USP49: variants seen among roughly 807,000 people sequenced by gnomAD.
USP49 encodes the protein ubiquitin specific peptidase 49, also known as ubiquitin carboxyl-terminal hydrolase 49.
USP49 carries 24 observed loss-of-function variants against 58.6 expected under a neutral mutation model. The observed-to-expected ratio is 0.41, with a 90% CI of 0.30 to 0.58. The LOEUF (loss-of-function observed/expected upper bound fraction) is 0.58, where lower values mean the gene tolerates loss of function less well. Ranked by LOEUF, USP49 falls within the 20% of genes least tolerant of loss-of-function variation. The pLI, the probability that USP49 is intolerant of heterozygous loss-of-function variation, is 0.30. For missense variants in USP49, 703 were observed against 866.1 expected, an observed-to-expected ratio of 0.81 and a Z score of 2.36; for synonymous variants, 408 against 365.1, an observed-to-expected ratio of 1.12 and a Z score of -1.34.
At position 41,799,814 on chromosome 6, in the gene USP49, C is replaced by G; in HGVS notation, c.1670+16G>C. 1 of 1,609,146 alleles carries G rather than the reference C, an allele frequency of 6.2e-7. No homozygotes were observed. The highest frequency in any genetic ancestry group is 1.1e-5 in the South Asian group (1 of 90,980). Reference sequence around the variant, plus strand: ...CCACAGCTCTCACCCAGCTGGGACTCCCACAGCAAGCTCACCTGAATCTTT... The same window carrying G: ...CCACAGCTCTCACCCAGCTGGGACTGCCACAGCAAGCTCACCTGAATCTTT... On this transcript the variant is annotated intron_variant, in intron 6 of 7. Coordinates refer to ENST00000682992, the MANE Select transcript of USP49 (RefSeq NM_001286554.2).
At chr6:41,825,923 A>G (rs562525526) in intron 3 of USP49, among the ~76,000 whole-genome samples, 9 of 152,348 alleles carry the variant, frequency 5.9e-5, no homozygotes, top group Non-Finnish European at 1.3e-4. Flanking sequence ...CAAAATATGT[A>G]TCATCACTAT....
intron 2 of USP49, chr6:41,886,404 T>C (rs893028603): frequency 1.3e-5 from 2 of 152,250 alleles, no homozygotes; most frequent in South Asian, 2.1e-4. Flanking sequence ...CATTAAGCTA[T>C]TAGCAATGAC....
chr6:41,804,453 C>A (rs1773074010), intron 4 of USP49, among the ~76,000 whole-genome samples: 1 of 152,180 alleles, frequency 6.6e-6, no homozygotes, highest in African/African-American at 2.4e-5. Context: ...TTGTTACTTG[C>A]AGAAGCCCTA....
intron 7 of USP49, chr6:41,798,220 A>C (rs146830233): frequency 6.5e-4 from 106 of 163,864 alleles, no homozygotes; most frequent in Middle Eastern, 3.2e-3. Flanking sequence ...TTCTTAGAAC[A>C]ACCATATGTT....
intron 3 of USP49, among the ~76,000 whole-genome samples, chr6:41,860,332 T>A (rs2243605): frequency 0.78 from 118,195 of 151,838 alleles, 46,715 homozygotes; most frequent in African/African-American, 0.94. Flanking sequence ...GAGAGAAAAA[T>A]AATCAACTAA....
In USP49 at chr6:41,806,129, G is replaced by C. The variant is rs749675296; in HGVS notation, c.855C>G (p.Asp285Glu). 1.2e-6 allele frequency: 2 copies of C among 1,613,786 alleles called. No homozygotes were observed. The highest frequency in any genetic ancestry group is 2.2e-5 in the East Asian group (1 of 44,894). ...QKFRECFLNL[D>E]PSKTEHLFPK... is the part of the protein sequence containing the mutation. ...GAAACAGATGTTCCGTTTTGGAAGG[G>C]TCAAGGTTGAGGAAACATTCTCGGA... Residue 285 changes from aspartate to glutamate, a missense_variant, in exon 4 of 8, where the codon GAC becomes GAG. Coordinates refer to ENST00000682992, the MANE Select transcript of USP49 (RefSeq NM_001286554.2). The surrounding 1 kb of genome is among the most constrained non-coding windows in gnomAD (Gnocchi z 5.9).
chr6:41,810,505 A>G (rs1486845985), intron 3 of USP49, among the ~76,000 whole-genome samples: 1 of 150,302 alleles, frequency 6.7e-6, no homozygotes, highest in Non-Finnish European at 1.5e-5. Flanking sequence ...AATAAAAAAT[A>G]AATAAAAAAT....
intron 3 of USP49, among the ~76,000 whole-genome samples, chr6:41,862,781 T>A (rs1480720128): frequency 6.6e-6 from 1 of 152,170 alleles, no homozygotes; most frequent in African/African-American, 2.4e-5. Flanking sequence ...TTTGTTTGAC[T>A]TTATTTTATT....
chr6:41,879,366 C>T (rs1367725089), intron 2 of USP49, among the ~76,000 whole-genome samples: 3 of 152,058 alleles, frequency 2.0e-5, no homozygotes, highest in African/African-American at 7.2e-5. Context: ...GTAGCTGGGA[C>T]CACAGGTGCA....
At position 41,864,058 on chromosome 6, in the gene USP49, C is replaced by T. The variant is rs1442305109; in HGVS notation, c.-29+7506G>A. Among the ~76,000 whole-genome samples, 3 of 151,900 alleles carry T rather than the reference C, an allele frequency of 2.0e-5. No homozygotes were observed. The East Asian group carries it at 5.8e-4, about 29-fold the overall frequency. On this transcript the variant is annotated intron_variant, in intron 3 of 7. Transcript: ENST00000682992. ...TGCTGGGATTTCCTGAGCCACCACACCTGGCCATAAACCTCAACAGAATTT... is the reference window on the plus strand; with the variant it reads ...TGCTGGGATTTCCTGAGCCACCACATCTGGCCATAAACCTCAACAGAATTT...
chr6:41,845,893 T>C (rs1773914063), intron 3 of USP49, among the ~76,000 whole-genome samples: 1 of 152,188 alleles, frequency 6.6e-6, no homozygotes, highest in Non-Finnish European at 1.5e-5. Context: ...CATAAACCCC[T>C]CACTTATTAT....
chr6:41,792,927 C>T lies in USP49; in HGVS notation c.*3606G>A, dbSNP rs1039934958. On this transcript the variant is annotated 3_prime_UTR_variant, in exon 8 of 8. Coordinates refer to ENST00000682992, the MANE Select transcript of USP49 (RefSeq NM_001286554.2). ...AGTAAGTAGAACAAACTCCATTTCT[C>T]CCTCCCGGCCAGCCCACCCTCCTCC... The T allele has an allele frequency of 5.3e-5, 8 of 151,804 alleles. No homozygotes were observed. The highest frequency in any genetic ancestry group is 1.9e-4 in the African/African-American group (8 of 41,328). The allele number at this position is 151,804 out of a possible 1,614,324, so 9.4% of individuals were successfully genotyped here.
At chr6:41,830,924 G>C (rs1259515265) in intron 3 of USP49, among the ~76,000 whole-genome samples, 1 of 152,092 alleles carries the variant, frequency 6.6e-6, no homozygotes, top group Non-Finnish European at 1.5e-5. Context: ...TGATTGATAG[G>C]AACCTCCACA....
chr6:41,878,803 C>T (rs1774549992), intron 2 of USP49, among the ~76,000 whole-genome samples: 1 of 152,070 alleles, frequency 6.6e-6, no homozygotes, highest in Non-Finnish European at 1.5e-5. Context: ...TGTACACTTG[C>T]TCAGTTAATT....
At chr6:41,890,390 AAC>A (rs1554149248) in intron 2 of USP49, among the ~76,000 whole-genome samples, 1 of 151,574 alleles carries the variant, frequency 6.6e-6, no homozygotes, top group African/African-American at 2.4e-5. Flanking sequence ...AAAAAAAAAA[AAC>A]GAGTGGATCA....
At chr6:41,885,298 A>G (rs1041577004) in intron 2 of USP49, among the ~76,000 whole-genome samples, 2 of 152,238 alleles carry the variant, frequency 1.3e-5, no homozygotes, top group African/African-American at 4.8e-5. Flanking sequence ...CCCTGGGCAC[A>G]GAGAATAACA....
intron 3 of USP49, among the ~76,000 whole-genome samples, chr6:41,810,062 G>A (rs1432995744): frequency 6.6e-6 from 1 of 150,610 alleles, no homozygotes; most frequent in Non-Finnish European, 1.5e-5. Context: ...TGAGGCAGGG[G>A]AATGGCGCGA....
Position 41,795,551 on chromosome 6 carries a change from T to C in USP49, c.*982A>G, listed in dbSNP as rs1772871989. Reference sequence around the variant, plus strand: ...TCCCAAACCCTGTGAACATGAATGTTCTAGCTCTCCAGGAGCAAGAAAGAA... The same window carrying C: ...TCCCAAACCCTGTGAACATGAATGTCCTAGCTCTCCAGGAGCAAGAAAGAA... On this transcript the variant is annotated 3_prime_UTR_variant, in exon 8 of 8. Coordinates refer to ENST00000682992, the MANE Select transcript of USP49 (RefSeq NM_001286554.2). The C allele has an allele frequency of 6.6e-6, 1 of 152,244 alleles. No individual in the cohort carries two copies. The highest frequency in any genetic ancestry group is 6.5e-5 in the Admixed American group (1 of 15,282). 9.4% of individuals were successfully genotyped at this position (152,244 alleles called of 1,614,324 possible). A position where few individuals can be genotyped will look rare whatever the true frequency, so the allele number is the denominator to read the frequency against.
At chr6:41,811,139 G>A (rs1415817442) in intron 3 of USP49, among the ~76,000 whole-genome samples, 1 of 151,990 alleles carries the variant, frequency 6.6e-6, no homozygotes, top group Non-Finnish European at 1.5e-5. Flanking sequence ...CTTTATATAA[G>A]AAACCCTCAA....
Sources: gnomAD v4.1 joint callset for allele counts (sites outside exome capture counted in the v4.1 genomes callset) on GRCh38, gnomAD v4.1.1 for gene constraint, Gnocchi (gnomAD v3.1) non-coding constraint, MANE v1.5 for transcripts, NCBI Gene and HGNC (gene_info 2026-07-23, HGNC 2026-07-21) for gene names.